The following TET2 variants were observed in gnomAD, a reference collection of about 807,000 sequenced individuals.
TET2 encodes the protein tet methylcytosine dioxygenase 2.
Under a neutral mutation model 142.9 loss-of-function variants are expected in TET2, and 299 were observed. The observed-to-expected ratio is 2.09, with a 90% CI of 1.90 to 2.30. The LOEUF is 2.30. Ranked by LOEUF, TET2 falls within the 30% of genes most tolerant of loss-of-function variation. The probability of loss-of-function intolerance (pLI) is 0.00; values close to 1 mark genes in which losing one functional copy is unlikely to be tolerated. For synonymous variants in TET2, 819 were observed against 849.0 expected, an observed-to-expected ratio of 0.96 and a Z score of 0.61; for missense variants, 2,418 against 2,378.0, an observed-to-expected ratio of 1.02 and a Z score of -0.35.
In TET2 at chr4:105,268,801, A is replaced by C. The variant is rs189599809; in HGVS notation, c.4045-809A>C. Among the ~76,000 whole-genome samples, 583 of 150,304 alleles carry C rather than the reference A, an allele frequency of 3.9e-3. 3 individuals are homozygous for C. Among genetic ancestry groups the C allele is most frequent in the Non-Finnish European group, 6.0e-3 (406 of 67,978 alleles). On this transcript the variant is annotated intron_variant, in intron 8 of 10. Coordinates refer to ENST00000380013, the MANE Select transcript of TET2 (RefSeq NM_001127208.3). ...AGCCTGGCCAACATGGCAAAACTCTATCTCTAATAAAAATACAAAAAATTA... is the reference window on the plus strand; with the variant it reads ...AGCCTGGCCAACATGGCAAAACTCTCTCTCTAATAAAAATACAAAAAATTA...
chr4:105,271,122 T>C (rs13131601), intron 9 of TET2, among the ~76,000 whole-genome samples: 1 of 152,190 alleles, frequency 6.6e-6, no homozygotes, highest in Non-Finnish European at 1.5e-5. Context: ...GTTTATTTTG[T>C]TTTTTAAAAA....
chr4:105,226,531 G>A (rs1217484296), intron 2 of TET2, among the ~76,000 whole-genome samples: 1 of 152,010 alleles, frequency 6.6e-6, no homozygotes, highest in Admixed American at 6.6e-5. Context: ...GCATGGTGCT[G>A]TCCTCCTGAT....
chr4:105,267,008 A>G (rs930593210), intron 8 of TET2, among the ~76,000 whole-genome samples: 6 of 152,050 alleles, frequency 3.9e-5, no homozygotes, highest in Non-Finnish European at 5.9e-5. Context: ...AAAAAAGGAC[A>G]TATTACACTA....
rs527629460 is a variant in TET2 at position 105,265,261 on chromosome 4, G to A, written c.4044+3413G>A. 4.6e-5 allele frequency among the ~76,000 whole-genome samples: 7 copies of A among 152,278 alleles called. No individual in the cohort carries two copies. In the East Asian group the frequency reaches 5.8e-4, roughly 13 times the overall value. ...GTGGTTATTATTTAACAGTTGATAC[G>A]TGGCTAGTGTAATTGAGTTTAAATT... On this transcript the variant is annotated intron_variant, in intron 8 of 10. Transcript: ENST00000380013.
chr4:105,257,967 CT>C (rs1211470038), intron 6 of TET2, among the ~76,000 whole-genome samples: 1 of 152,128 alleles, frequency 6.6e-6, no homozygotes, highest in Non-Finnish European at 1.5e-5. Flanking sequence ...GTGAATGGGA[CT>C]TTAGAGTATA....
intron 2 of TET2, among the ~76,000 whole-genome samples, chr4:105,197,204 A>C (rs1276650639): frequency 6.6e-6 from 1 of 152,206 alleles, no homozygotes; most frequent in Non-Finnish European, 1.5e-5. Context: ...TAGAGACTTT[A>C]GGGATATGTT....
At chr4:105,184,720 G>GGT (rs34103341) in intron 1 of TET2, among the ~76,000 whole-genome samples, 7,764 of 150,736 alleles carry the variant, frequency 0.052, 530 homozygotes, top group African/African-American at 0.15. Flanking sequence ...CTTGCAGAGA[G>GGT]GTGTGTGTGT....
At chr4:105,166,089 G>T (rs2110397123) in intron 1 of TET2, among the ~76,000 whole-genome samples, 1 of 151,982 alleles carries the variant, frequency 6.6e-6, no homozygotes, top group East Asian at 1.9e-4. Flanking sequence ...TCATTTCTCA[G>T]TGCTAATTGA....
intron 1 of TET2, among the ~76,000 whole-genome samples, chr4:105,189,888 A>G (rs1420128092): frequency 6.6e-6 from 1 of 152,180 alleles, no homozygotes; most frequent in African/African-American, 2.4e-5. Flanking sequence ...GAGTTTAGTT[A>G]GTGCCACATC....
intron 2 of TET2, among the ~76,000 whole-genome samples, chr4:105,199,079 T>C (rs570584743): frequency 1.3e-3 from 197 of 152,344 alleles, no homozygotes; most frequent in Admixed American, 2.4e-3. Context: ...AATGTTTTAC[T>C]GTAGAAAGAG....
At chr4:105,201,051 T>A (rs1028249191) in intron 2 of TET2, among the ~76,000 whole-genome samples, 6 of 152,210 alleles carry the variant, frequency 3.9e-5, no homozygotes, top group African/African-American at 1.4e-4. Context: ...ATTTATGTTC[T>A]TGAGATTATT....
At chr4:105,215,842 C>T (rs1727459331) in intron 2 of TET2, among the ~76,000 whole-genome samples, 2 of 152,156 alleles carry the variant, frequency 1.3e-5, no homozygotes, top group Non-Finnish European at 2.9e-5. Context: ...TAAACCATAA[C>T]CTTTTTTAGC....
intron 6 of TET2, among the ~76,000 whole-genome samples, chr4:105,249,867 T>TTA (rs1729778970): frequency 6.6e-6 from 1 of 152,222 alleles, no homozygotes; most frequent in Non-Finnish European, 1.5e-5. Context: ...TCGCTTCACT[T>TTA]TGATAATGTC....
In TET2 at chr4:105,246,237, T is replaced by A. The variant is rs1198389868; in HGVS notation, c.3803+2459T>A. Among the ~76,000 whole-genome samples, 5 of 152,020 alleles carry A rather than the reference T, an allele frequency of 3.3e-5. No individual in the cohort carries two copies. In the East Asian group the frequency reaches 9.6e-4, roughly 29 times the overall value. ...CATGCCCAGCCAGCTTTTCCATAATTCTTATAAATGCCAATGCCTGAAATG... is the reference window on the plus strand; with the variant it reads ...CATGCCCAGCCAGCTTTTCCATAATACTTATAAATGCCAATGCCTGAAATG... On this transcript the variant is annotated intron_variant, in intron 6 of 10. Coordinates refer to ENST00000380013, the MANE Select transcript of TET2 (RefSeq NM_001127208.3).
chr4:105,266,725 GA>G (rs1199162024), intron 8 of TET2, among the ~76,000 whole-genome samples: 1 of 151,598 alleles, frequency 6.6e-6, no homozygotes, highest in Non-Finnish European at 1.5e-5. Context: ...AGAAAAAACT[GA>G]AAAAAATGAA....
At chr4:105,208,788 G>A (rs893057527) in intron 2 of TET2, among the ~76,000 whole-genome samples, 83 of 151,524 alleles carry the variant, frequency 5.5e-4, no homozygotes, top group Non-Finnish European at 1.0e-3. Context: ...GCTTTTTGAC[G>A]TGGTAACCTG....
chr4:105,157,093 AT>A (rs1723605256), intron 1 of TET2, among the ~76,000 whole-genome samples: 2 of 152,144 alleles, frequency 1.3e-5, no homozygotes, highest in Non-Finnish European at 2.9e-5. Flanking sequence ...ACTCTCCTAT[AT>A]ACATTATAAC....
intron 3 of TET2, chr4:105,238,268 G>A: frequency 4.2e-6 from 1 of 239,186 alleles, no homozygotes; most frequent in Non-Finnish European, 8.9e-6. Flanking sequence ...TGATCATGGT[G>A]GTAGTTGCTG....
chr4:105,200,460 A>G (rs1003432582), intron 2 of TET2, among the ~76,000 whole-genome samples: 1 of 152,114 alleles, frequency 6.6e-6, no homozygotes, highest in Non-Finnish European at 1.5e-5. Context: ...TGTCAGATAC[A>G]TAAATTGCAA....
Sources: gnomAD v4.1 joint callset for allele counts (sites outside exome capture counted in the v4.1 genomes callset) on GRCh38, gnomAD v4.1.1 for gene constraint, MANE v1.5 for transcripts, NCBI Gene and HGNC (gene_info 2026-07-23, HGNC 2026-07-21) for gene names.